The following METTL15 variants were observed in gnomAD, a reference collection of about 807,000 sequenced individuals.
METTL15 encodes 12S rRNA N(4)-cytidine methyltransferase METTL15.
METTL15 carries 34 observed loss-of-function variants against 38.3 expected under a neutral mutation model. The observed-to-expected ratio is 0.89, with a 90% CI of 0.68 to 1.18. The LOEUF (loss-of-function observed/expected upper bound fraction) is 1.18, where lower values mean the gene tolerates loss of function less well. METTL15 is among the 50% of genes most tolerant of loss of function. The pLI is 0.00. For synonymous variants in METTL15, 162 were observed against 170.9 expected (o/e 0.95, Z 0.41); for missense variants, 438 against 498.4 (o/e 0.88, Z 1.15).
At chr11:28,265,859 C>G (rs528102220) in intron 4 of METTL15, among the ~76,000 whole-genome samples, 2 of 152,136 alleles carry the variant, frequency 1.3e-5, no homozygotes, top group Non-Finnish European at 2.9e-5. Flanking sequence ...ATGTGCACAA[C>G]GTGCAGGTTA....
intron 4 of METTL15, among the ~76,000 whole-genome samples, chr11:28,279,529 T>C (rs1211513627): frequency 6.6e-6 from 1 of 152,154 alleles, no homozygotes; most frequent in Non-Finnish European, 1.5e-5. Flanking sequence ...CTTCATCTGC[T>C]CTCTTATTTG....
At chr11:28,169,583 T>G (rs1850780514) in intron 3 of METTL15, among the ~76,000 whole-genome samples, 1 of 152,114 alleles carries the variant, frequency 6.6e-6, no homozygotes, top group African/African-American at 2.4e-5. Context: ...TCCTTAGTCA[T>G]TTTTTTGAAT....
At chr11:28,377,668 C>A (rs949903368) in intron 5 of METTL15, among the ~76,000 whole-genome samples, 30 of 152,212 alleles carry the variant, frequency 2.0e-4, no homozygotes, top group African/African-American at 7.0e-4. Context: ...TCGTCAAAGT[C>A]ATTCTCTGTC....
chr11:28,480,348 T>C (rs1240283721), intron 6 of METTL15, among the ~76,000 whole-genome samples: 3 of 152,240 alleles, frequency 2.0e-5, no homozygotes, highest in Non-Finnish European at 4.4e-5. Flanking sequence ...TGTGCCTTAG[T>C]GTACCATTAT....
chr11:28,381,707 T>C (rs999979967), intron 5 of METTL15, among the ~76,000 whole-genome samples: 12 of 152,192 alleles, frequency 7.9e-5, no homozygotes, highest in Admixed American at 2.6e-4. Flanking sequence ...TGTGTTTGAT[T>C]TTTTAAATTG....
chr11:28,492,016 C>T (rs1275673062), intron 6 of METTL15, among the ~76,000 whole-genome samples: 1 of 152,086 alleles, frequency 6.6e-6, no homozygotes, highest in African/African-American at 2.4e-5. Flanking sequence ...AAGGTACAGG[C>T]CTTTAGGAGC....
chr11:28,266,998 A>G (rs1271069751), intron 4 of METTL15, among the ~76,000 whole-genome samples: 1 of 151,914 alleles, frequency 6.6e-6, no homozygotes, highest in African/African-American at 2.4e-5. Flanking sequence ...CATCTCTACT[A>G]AAAATACAAA....
intron 4 of METTL15, among the ~76,000 whole-genome samples, chr11:28,237,694 C>T (rs542869422): frequency 3.9e-5 from 6 of 152,156 alleles, no homozygotes; most frequent in Non-Finnish European, 7.3e-5. Flanking sequence ...TTTAGAGTTT[C>T]CACTTTTTCT....
Position 28,328,059 on chromosome 11 carries a change from TTTTACATGAAAA to T in METTL15, c.779-2335_779-2324del, listed in dbSNP as rs770390891. 15 of 1,590,748 alleles carry T rather than the reference TTTTACATGAAAA, an allele frequency of 9.4e-6. No individual in the cohort carries two copies. In the South Asian group the frequency reaches 1.6e-4, roughly 17 times the overall value. ...GTGCTCCATGAATGTTTACTTCCTA[TTTTACATGAAAA>T]TATATGTTTGTTCATATTCTTAGAA... On this transcript the variant is annotated intron_variant, in intron 6 of 6. Coordinates refer to ENST00000407364, the MANE Select transcript of METTL15 (RefSeq NM_001113528.2).
chr11:28,451,005 G>A (rs1851115784), intron 6 of METTL15, among the ~76,000 whole-genome samples: 1 of 152,142 alleles, frequency 6.6e-6, no homozygotes, highest in Admixed American at 6.5e-5. Flanking sequence ...TAAATGATGG[G>A]CTTGGGATTC....
chr11:28,482,289 A>T (rs975469865), intron 6 of METTL15, among the ~76,000 whole-genome samples: 2 of 152,126 alleles, frequency 1.3e-5, no homozygotes, highest in Non-Finnish European at 2.9e-5. Context: ...CTATTTGGAG[A>T]TTGAAAAGCA....
chr11:28,423,023 T>C (rs995484051), intron 5 of METTL15, among the ~76,000 whole-genome samples: 3 of 151,860 alleles, frequency 2.0e-5, no homozygotes, highest in Non-Finnish European at 2.9e-5. Context: ...ATAATCCAAT[T>C]TTTAAAATGG....
chr11:28,378,526 C>A (rs1029293046), intron 5 of METTL15, among the ~76,000 whole-genome samples: 1 of 152,184 alleles, frequency 6.6e-6, no homozygotes, highest in Non-Finnish European at 1.5e-5. Context: ...GTGCACGGTG[C>A]GTGCACCCAC....
intron 4 of METTL15, among the ~76,000 whole-genome samples, chr11:28,226,692 G>A (rs1404192515): frequency 6.6e-6 from 1 of 151,844 alleles, no homozygotes; most frequent in Non-Finnish European, 1.5e-5. Flanking sequence ...AAGCAATTTA[G>A]TCACATTGTT....
chr11:28,342,522 C>G (rs2133355448), intron 3 of METTL15, among the ~76,000 whole-genome samples: 1 of 152,116 alleles, frequency 6.6e-6, no homozygotes, highest in South Asian at 2.1e-4. Flanking sequence ...CTTGGCCTCC[C>G]AAAGTACTAT....
intron 4 of METTL15, among the ~76,000 whole-genome samples, chr11:28,266,808 G>C (rs570393160): frequency 6.6e-6 from 1 of 152,042 alleles, no homozygotes. Context: ...CTTTCAAAAC[G>C]TGTCAGATTT....
intron 6 of METTL15, among the ~76,000 whole-genome samples, chr11:28,305,039 T>C (rs1253356206): frequency 6.6e-6 from 1 of 152,184 alleles, no homozygotes; most frequent in Non-Finnish European, 1.5e-5. Flanking sequence ...TCTTTTGTCA[T>C]TTCAAATTTC....
rs1159980510 is a variant in METTL15, at chr11:28,332,979, G to C, written c.*2138G>C. 1 of 138,792 alleles carries C rather than the reference G, an allele frequency of 7.2e-6. No homozygotes were observed. The highest frequency in any genetic ancestry group is 1.5e-5 in the Non-Finnish European group (1 of 65,598). The allele number at this position is 138,792 out of a possible 1,614,324, so 8.6% of individuals were successfully genotyped here. ...GGAAGAAAGAGAAGATAGAGACACA[G>C]GGGAGAATGCCACATGAAGCTGGAG... is the stretch of plus-strand genomic sequence containing the variant. On this transcript the variant is annotated 3_prime_UTR_variant, in exon 7 of 7. Transcript: ENST00000407364.
chr11:28,435,550 A>C (rs1288796454), intron 6 of METTL15, among the ~76,000 whole-genome samples: 1 of 152,188 alleles, frequency 6.6e-6, no homozygotes, highest in Non-Finnish European at 1.5e-5. Flanking sequence ...CCACTTCAGA[A>C]GAGAATATTG....
Sources: allele counts gnomAD v4.1 joint callset (sites outside exome capture counted in the v4.1 genomes callset), GRCh38; gene constraint gnomAD v4.1.1; transcripts MANE v1.5; gene names NCBI Gene and HGNC (gene_info 2026-07-23, HGNC 2026-07-21).